Variants in ROBO2 observed in about 807,000 individuals in gnomAD.
ROBO2 encodes roundabout homolog 2.
Under a neutral mutation model 160.8 loss-of-function variants are expected in ROBO2, and 53 were observed. That is an observed-to-expected ratio of 0.33 (90% CI 0.26 to 0.41). ROBO2 has a LOEUF of 0.41. Ranked by LOEUF, ROBO2 falls within the 10% of genes least tolerant of loss-of-function variation. The pLI is 1.00. For missense variants in ROBO2, 1,577 were observed against 1,722.4 expected, an observed-to-expected ratio of 0.92 and a Z score of 1.49; for synonymous variants, 664 against 611.7, an observed-to-expected ratio of 1.09 and a Z score of -1.26.
chr3:76,873,073 T>TA (rs1343812607), intron 2 of ROBO2, among the ~76,000 whole-genome samples: 13 of 152,142 alleles, frequency 8.5e-5, no homozygotes, highest in Admixed American at 3.3e-4. Flanking sequence ...CTTACTTGAC[T>TA]AAAAAATAGC....
chr3:76,592,108 A>T (rs2086451524), intron 2 of ROBO2, among the ~76,000 whole-genome samples: 1 of 152,114 alleles, frequency 6.6e-6, no homozygotes. Flanking sequence ...TTAAAAAAAA[A>T]GCTGAGCTAA....
At chr3:76,460,006 G>A (rs552733268) in intron 2 of ROBO2, among the ~76,000 whole-genome samples, 13 of 152,166 alleles carry the variant, frequency 8.5e-5, no homozygotes, top group African/African-American at 2.9e-4. Flanking sequence ...CTATTAAAAA[G>A]AAGAAAGCTT....
chr3:77,174,549 C>T (rs2079950082), intron 2 of ROBO2, among the ~76,000 whole-genome samples: 1 of 151,906 alleles, frequency 6.6e-6, no homozygotes, highest in East Asian at 1.9e-4. Context: ...GTAACTTTAA[C>T]CTAAATTTCC....
intron 2 of ROBO2, among the ~76,000 whole-genome samples, chr3:76,921,428 A>G (rs1421604414): frequency 6.6e-6 from 1 of 152,112 alleles, no homozygotes; most frequent in East Asian, 1.9e-4. Flanking sequence ...CCTGACCAAC[A>G]TGGTGAAATC....
intron 2 of ROBO2, among the ~76,000 whole-genome samples, chr3:76,405,578 T>C (rs2078080781): frequency 6.6e-6 from 1 of 151,758 alleles, no homozygotes; most frequent in South Asian, 2.1e-4. Context: ...GTTTTACTTC[T>C]TTGCTTAAAA....
At chr3:76,065,976 A>G (rs1020844037) in intron 2 of ROBO2, among the ~76,000 whole-genome samples, 5 of 135,004 alleles carry the variant, frequency 3.7e-5, no homozygotes, top group African/African-American at 1.4e-4. Context: ...ATTGAACCCT[A>G]AGTACAATTT....
chr3:77,378,177 C>A lies in ROBO2; in HGVS notation c.389-99237C>A, dbSNP rs553291925. Reference sequence around the variant, plus strand: ...TTATTTGAAGTTAGAATGAAAGTAACATTTTTGAAAATTACCATTGTCTTA... The same window carrying A: ...TTATTTGAAGTTAGAATGAAAGTAAAATTTTTGAAAATTACCATTGTCTTA... On this transcript the variant is annotated intron_variant, in intron 2 of 25. Transcript: ENST00000461745. 6.6e-5 allele frequency among the ~76,000 whole-genome samples: 10 copies of A among 152,210 alleles called. No individual in the cohort carries two copies. In the South Asian group the frequency reaches 2.1e-3, roughly 32 times the overall value.
chr3:76,509,107 A>C (rs1011950487), intron 2 of ROBO2, among the ~76,000 whole-genome samples: 1 of 152,154 alleles, frequency 6.6e-6, no homozygotes, highest in Non-Finnish European at 1.5e-5. Context: ...TAAGATTACT[A>C]TCAGGAAACT....
At chr3:76,070,745 C>T (rs917858257) in intron 2 of ROBO2, among the ~76,000 whole-genome samples, 16 of 152,132 alleles carry the variant, frequency 1.1e-4, no homozygotes, top group Non-Finnish European at 1.3e-4. Context: ...CTCCCCCAGA[C>T]GCCCAGCTTT....
At chr3:77,462,443 A>G (rs371527037) in intron 2 of ROBO2, among the ~76,000 whole-genome samples, 1 of 152,234 alleles carries the variant, frequency 6.6e-6, no homozygotes, top group Non-Finnish European at 1.5e-5. Flanking sequence ...AGTTAAGGCC[A>G]TGCTTACTAG....
At chr3:76,102,660 G>T (rs941463605) in intron 2 of ROBO2, among the ~76,000 whole-genome samples, 12 of 152,192 alleles carry the variant, frequency 7.9e-5, no homozygotes, top group African/African-American at 2.9e-4. Context: ...TACTTTTGAA[G>T]ATAGTAACAT....
intron 1 of ROBO2, among the ~76,000 whole-genome samples, chr3:75,908,446 T>A (rs1406493416): frequency 5.3e-5 from 3 of 57,036 alleles, no homozygotes; most frequent in Non-Finnish European, 3.6e-5. Context: ...TATTCCATTT[T>A]GTAGATGTAG....
intron 2 of ROBO2, among the ~76,000 whole-genome samples, chr3:76,989,097 A>T (rs1257701588): frequency 2.6e-5 from 4 of 152,172 alleles, no homozygotes; most frequent in African/African-American, 9.6e-5. Flanking sequence ...ATTCTTATCT[A>T]TACTGATCAA....
At chr3:76,057,210 A>G (rs1226671344) in intron 2 of ROBO2, among the ~76,000 whole-genome samples, 1 of 152,146 alleles carries the variant, frequency 6.6e-6, no homozygotes, top group East Asian at 1.9e-4. Flanking sequence ...GCTTATTCAA[A>G]TATGTGCCAC....
chr3:76,047,712 A>C (rs2067497500), intron 2 of ROBO2, among the ~76,000 whole-genome samples: 1 of 152,238 alleles, frequency 6.6e-6, no homozygotes, highest in South Asian at 2.1e-4. Context: ...GACCAGAGAC[A>C]ATATGCCTGC....
chr3:77,611,246 C>T (rs559671183), intron 21 of ROBO2, among the ~76,000 whole-genome samples: 17 of 148,882 alleles, frequency 1.1e-4, no homozygotes, highest in East Asian at 6.0e-4. Context: ...CGCAGTGAGC[C>T]GAGATTGGGC....
chr3:75,987,536 C>T (rs2065447755), intron 2 of ROBO2, among the ~76,000 whole-genome samples: 1 of 151,760 alleles, frequency 6.6e-6, no homozygotes, highest in South Asian at 2.1e-4. Flanking sequence ...GTTTGGATGC[C>T]TCTTATGTCT....
intron 2 of ROBO2, among the ~76,000 whole-genome samples, chr3:76,847,203 A>G (rs1364509776): frequency 6.6e-6 from 1 of 152,208 alleles, no homozygotes; most frequent in African/African-American, 2.4e-5. Context: ...GTAGGAAAAA[A>G]GTGAACATTA....
intron 2 of ROBO2, among the ~76,000 whole-genome samples, chr3:76,028,506 T>C (rs1292637313): frequency 6.6e-6 from 1 of 151,956 alleles, no homozygotes; most frequent in African/African-American, 2.4e-5. Context: ...CATAAGAGAC[T>C]TGTTAGATTC....
Sources: allele counts gnomAD v4.1 joint callset (sites outside exome capture counted in the v4.1 genomes callset), GRCh38; gene constraint gnomAD v4.1.1; transcripts MANE v1.5; gene names NCBI Gene and HGNC (gene_info 2026-07-23, HGNC 2026-07-21).